Variants in SPEF2 observed in about 807,000 individuals in gnomAD.
SPEF2 encodes the protein sperm flagella and cilia-associated protein 2.
In SPEF2, 187 loss-of-function variants were observed where a neutral mutation model predicts 224.6. The ratio of observed to expected loss-of-function variants is 0.83; its 90% CI spans 0.74 to 0.94. SPEF2 has a LOEUF of 0.94. Ranked by LOEUF, SPEF2 falls within the 40% of genes least tolerant of loss-of-function variation. SPEF2 has a pLI of 0.00. For missense variants in SPEF2, 2,170 were observed against 2,135.6 expected (o/e 1.02, Z -0.32); for synonymous variants, 715 against 707.3 (o/e 1.01, Z -0.17).
At chr5:35,694,844 A>T (rs1755062824) in intron 13 of SPEF2, among the ~76,000 whole-genome samples, 1 of 152,192 alleles carries the variant, frequency 6.6e-6, no homozygotes, top group Non-Finnish European at 1.5e-5. Context: ...CAATACAACT[A>T]AGTTTCCCAA....
chr5:35,754,658 A>T (rs1182238442), intron 24 of SPEF2, among the ~76,000 whole-genome samples: 1 of 152,196 alleles, frequency 6.6e-6, no homozygotes. Flanking sequence ...GGCTTTTGAA[A>T]AGATTTACAT....
intron 16 of SPEF2, among the ~76,000 whole-genome samples, chr5:35,703,087 A>T (rs1738991058): frequency 7.9e-6 from 1 of 127,008 alleles, no homozygotes; most frequent in Admixed American, 7.8e-5. Flanking sequence ...GTCACAGGAT[A>T]TTTGTTACTT....
At chr5:35,679,436 G>A (rs1287604571) in intron 10 of SPEF2, among the ~76,000 whole-genome samples, 2 of 152,162 alleles carry the variant, frequency 1.3e-5, no homozygotes, top group Non-Finnish European at 2.9e-5. Context: ...AGGTTGGAAG[G>A]TAGGCAGAAC....
Position 35,656,953 on chromosome 5 carries a change from C to T in SPEF2, c.979-2066C>T, listed in dbSNP as rs150218327. ...CTATGGAATGTAGTGAGCCCAGGCT[C>T]CTGTGCAACTGACACAAGAGATCCT... On this transcript the variant is annotated intron_variant, in intron 7 of 36. Transcript: ENST00000356031. Among the ~76,000 whole-genome samples the T allele has an allele frequency of 2.0e-3, 298 of 152,326 alleles. 2 individuals carry two copies. Among genetic ancestry groups the T allele is most frequent in the African/African-American group, 6.7e-3 (280 of 41,578 alleles).
At chr5:35,746,100 A>G (rs1208306035) in intron 23 of SPEF2, among the ~76,000 whole-genome samples, 2 of 152,208 alleles carry the variant, frequency 1.3e-5, no homozygotes, top group Non-Finnish European at 2.9e-5. Context: ...GCTCACAGGA[A>G]GCCACATCCA....
At chr5:35,680,665 TA>T (rs1752668261) in intron 10 of SPEF2, among the ~76,000 whole-genome samples, 1 of 152,142 alleles carries the variant, frequency 6.6e-6, no homozygotes, top group African/African-American at 2.4e-5. Context: ...TGGATACGAA[TA>T]GGAGGTTATA....
intron 24 of SPEF2, among the ~76,000 whole-genome samples, chr5:35,758,493 A>G (rs1750760613): frequency 6.6e-6 from 1 of 152,190 alleles, no homozygotes; most frequent in Non-Finnish European, 1.5e-5. Context: ...CAGCGTATGC[A>G]TACCACAAAA....
chr5:35,651,813 C>T (rs969547932), intron 6 of SPEF2, among the ~76,000 whole-genome samples: 3 of 152,122 alleles, frequency 2.0e-5, no homozygotes, highest in Non-Finnish European at 2.9e-5. Context: ...CAAAGTCCAT[C>T]GTTTTTCTTT....
intron 16 of SPEF2, among the ~76,000 whole-genome samples, chr5:35,701,868 A>G (rs1440865759): frequency 1.3e-5 from 2 of 152,158 alleles, no homozygotes; most frequent in Non-Finnish European, 2.9e-5. Flanking sequence ...GATCCTAGCT[A>G]CATGGGAGGC....
chr5:35,793,442 A>G (rs1227236948), intron 32 of SPEF2, 101 bp downstream of exon 32: 27 of 1,205,494 alleles, frequency 2.2e-5, no homozygotes, highest in Non-Finnish European at 2.9e-5. Context: ...AGGCCAGTGC[A>G]TTGCTTCTCA....
rs1179589385 is a variant in SPEF2 at position 35,795,699 on chromosome 5, G to A, written c.4738-4G>A. The A allele has an allele frequency of 6.2e-7, 1 of 1,605,898 alleles. No homozygotes were observed. Among genetic ancestry groups the A allele is most frequent in the Non-Finnish European group, 8.5e-7 (1 of 1,177,634 alleles). ...AACAATTTTCATTTTTATTTTTTAT[G>A]TAGGCTGGTCTGTGGTTTACAGGAG... is the stretch of plus-strand genomic sequence containing the variant. On this transcript the variant is annotated splice_region_variant and splice_polypyrimidine_tract_variant and intron_variant, in intron 32 of 36. Coordinates refer to ENST00000356031, the MANE Select transcript of SPEF2 (RefSeq NM_024867.4).
At chr5:35,670,554 CT>C in intron 10 of SPEF2, 1 of 1,000,206 alleles carries the variant, frequency 1.0e-6, no homozygotes, top group Non-Finnish European at 1.2e-6. Flanking sequence ...TGTACTTTTG[CT>C]TCAAAAACCA....
At chr5:35,799,296 C>T (rs1172807456) in intron 33 of SPEF2, among the ~76,000 whole-genome samples, 1 of 152,218 alleles carries the variant, frequency 6.6e-6, no homozygotes, top group Non-Finnish European at 1.5e-5. Flanking sequence ...TGGGCCTCTG[C>T]TTTGGAGGGC....
chr5:35,807,770 A>T, intron 36 of SPEF2: 3 of 1,535,886 alleles, frequency 2.0e-6, no homozygotes, highest in Non-Finnish European at 2.6e-6. Flanking sequence ...CCAGCAGAAG[A>T]AAGGAAGAAC....
chr5:35,769,408 G>C (rs6889260), intron 26 of SPEF2, among the ~76,000 whole-genome samples: 63,260 of 151,878 alleles, frequency 0.42, 14,638 homozygotes, highest in African/African-American at 0.63. Flanking sequence ...AAAGCAAAGG[G>C]AGAAAGAAAG....
intron 26 of SPEF2, among the ~76,000 whole-genome samples, chr5:35,769,274 T>G (rs1440966518): frequency 6.6e-6 from 1 of 152,160 alleles, no homozygotes; most frequent in African/African-American, 2.4e-5. Context: ...AAAATTGAAT[T>G]GCTTGCAATT....
intron 11 of SPEF2, among the ~76,000 whole-genome samples, chr5:35,691,507 G>A (rs1018554431): frequency 3.9e-5 from 6 of 152,276 alleles, no homozygotes; most frequent in Non-Finnish European, 5.9e-5. Context: ...GACACAAAAG[G>A]TCACATAGTG....
intron 17 of SPEF2, 128 bp from the exon 18 acceptor site, chr5:35,705,523 G>C (rs1307607163): frequency 3.2e-6 from 2 of 622,578 alleles, no homozygotes; most frequent in South Asian, 5.6e-5. Flanking sequence ...AAATAACATT[G>C]TTTCTTTTTC....
rs542711678 is a variant in SPEF2, at chr5:35,757,461, T to A, written c.3469-2107T>A. Among the ~76,000 whole-genome samples, 5 of 152,284 alleles carry A rather than the reference T, an allele frequency of 3.3e-5. No homozygotes were observed. The East Asian group carries it at 9.6e-4, about 29-fold the overall frequency. ...ATTTATTTACCAAATAATACAATGC[T>A]ATGGTTTAATGACTAATAATTTTTA... On this transcript the variant is annotated intron_variant, in intron 24 of 36. Coordinates refer to ENST00000356031, the MANE Select transcript of SPEF2 (RefSeq NM_024867.4).
Sources: allele counts gnomAD v4.1 joint callset (sites outside exome capture counted in the v4.1 genomes callset), GRCh38; gene constraint gnomAD v4.1.1; transcripts MANE v1.5; gene names NCBI Gene and HGNC (gene_info 2026-07-23, HGNC 2026-07-21).